The following HFM1 variants were observed in gnomAD, a reference collection of about 807,000 sequenced individuals.
HFM1 encodes probable ATP-dependent DNA helicase HFM1.
Under a neutral mutation model 192.1 loss-of-function variants are expected in HFM1, and 169 were observed. The observed-to-expected ratio is 0.88, with a 90% CI of 0.78 to 1.00. The LOEUF (loss-of-function observed/expected upper bound fraction) is 1.00, where lower values mean the gene tolerates loss of function less well. HFM1 is among the 50% of genes least tolerant of loss of function. The probability of loss-of-function intolerance (pLI) is 0.00; values close to 1 mark genes in which losing one functional copy is unlikely to be tolerated. For synonymous variants in HFM1, 525 were observed against 537.8 expected, an observed-to-expected ratio of 0.98 and a Z score of 0.33; for missense variants, 1,661 against 1,668.0, an observed-to-expected ratio of 1.00 and a Z score of 0.07.
At chr1:91,280,956 C>T (rs917263012) in intron 30 of HFM1, among the ~76,000 whole-genome samples, 1 of 152,148 alleles carries the variant, frequency 6.6e-6, no homozygotes, top group Non-Finnish European at 1.5e-5. Context: ...ACTGGTTGAC[C>T]ATGTGACCAT....
chr1:91,407,478 A>G (rs1018243315), upstream of HFM1, among the ~76,000 whole-genome samples: 1 of 152,160 alleles, frequency 6.6e-6, no homozygotes, highest in Non-Finnish European at 1.5e-5. Flanking sequence ...AGTACTTCAT[A>G]TAAGTGGGAT....
At chr1:91,270,108 G>A (rs1666140444) in intron 34 of HFM1, among the ~76,000 whole-genome samples, 1 of 152,100 alleles carries the variant, frequency 6.6e-6, no homozygotes, top group African/African-American at 2.4e-5. Flanking sequence ...ATGGATTGAA[G>A]GATAATGAGA....
Position 91,378,196 on chromosome 1 carries a change from T to A in HFM1, c.1237-13A>T, listed in dbSNP as rs1271748830. On this transcript the variant is annotated splice_polypyrimidine_tract_variant and intron_variant, in intron 10 of 38. Transcript: ENST00000370425. ...TTACAATATGTACCTAAGCAGGAAATCAAGAAAAAATCATTAGCTATAGAA... is the reference window on the plus strand; with the variant it reads ...TTACAATATGTACCTAAGCAGGAAAACAAGAAAAAATCATTAGCTATAGAA... 1 of 1,556,950 alleles carries A rather than the reference T, an allele frequency of 6.4e-7. No individual in the cohort carries two copies. Among genetic ancestry groups the A allele is most frequent in the Admixed American group, 2.0e-5 (1 of 48,922 alleles).
intron 13 of HFM1, among the ~76,000 whole-genome samples, chr1:91,373,937 T>C (rs1222689193): frequency 6.6e-6 from 1 of 152,040 alleles, no homozygotes; most frequent in Non-Finnish European, 1.5e-5. Flanking sequence ...GATAATCTAA[T>C]TAATAGAAAA....
At chr1:91,266,654 G>C (rs1665795084) in intron 35 of HFM1, among the ~76,000 whole-genome samples, 1 of 152,190 alleles carries the variant, frequency 6.6e-6, no homozygotes, top group East Asian at 1.9e-4. Flanking sequence ...TCTATACATG[G>C]GGGAAAATGG....
chr1:91,279,926 A>C (rs1338213361), intron 30 of HFM1, among the ~76,000 whole-genome samples: 1 of 152,164 alleles, frequency 6.6e-6, no homozygotes, highest in African/African-American at 2.4e-5. Flanking sequence ...AAAAAAAATG[A>C]GCTCTAATAT....
At chr1:91,312,500 T>C (rs1157933193) in intron 30 of HFM1, among the ~76,000 whole-genome samples, 2 of 152,208 alleles carry the variant, frequency 1.3e-5, no homozygotes, top group Admixed American at 6.5e-5. Context: ...GCATGGGGCC[T>C]GTAAGCCCTT....
intron 13 of HFM1, among the ~76,000 whole-genome samples, chr1:91,370,293 A>G (rs970757164): frequency 1.3e-5 from 2 of 152,186 alleles, no homozygotes; most frequent in Admixed American, 6.5e-5. Context: ...ACAAAAAAAG[A>G]GAATTTTAGA....
rs1361742202 is a variant in HFM1 at position 91,302,810 on chromosome 1, C to T, written c.3391+10539G>A. ...GGTGGGGGGGAGGGGGAAGGGATAGCATTAGGAGATATACCTAATGTTAAA... is the reference window on the plus strand; with the variant it reads ...GGTGGGGGGGAGGGGGAAGGGATAGTATTAGGAGATATACCTAATGTTAAA... On this transcript the variant is annotated intron_variant, in intron 30 of 38. Transcript: ENST00000370425. Among the ~76,000 whole-genome samples the T allele has an allele frequency of 2.0e-5, 3 of 151,572 alleles. No homozygotes were observed. In the East Asian group the frequency reaches 5.8e-4, roughly 29 times the overall value.
intron 26 of HFM1, 89 bp from the exon 27 acceptor site, chr1:91,316,273 C>G (rs1006059913): frequency 1.0e-6 from 1 of 1,003,338 alleles, no homozygotes; most frequent in African/African-American, 1.6e-5. Flanking sequence ...TTTAATAATG[C>G]TTATCACCCA....
At chr1:91,398,093 G>C (rs1289299829) in intron 2 of HFM1, among the ~76,000 whole-genome samples, 1 of 152,172 alleles carries the variant, frequency 6.6e-6, no homozygotes, top group African/African-American at 2.4e-5. Flanking sequence ...TAAGTTCTCA[G>C]ACTCTAGCCA....
chr1:91,284,669 T>A (rs1035037988), intron 30 of HFM1, among the ~76,000 whole-genome samples: 1 of 152,192 alleles, frequency 6.6e-6, no homozygotes, highest in African/African-American at 2.4e-5. Context: ...ATTTAAAGGA[T>A]AAGAAGTTTA....
chr1:91,303,780 CAT>C (rs1649194737), intron 30 of HFM1, among the ~76,000 whole-genome samples: 1 of 152,210 alleles, frequency 6.6e-6, no homozygotes, highest in South Asian at 2.1e-4. Context: ...AGCATCTTTT[CAT>C]ATGTGTGTTG....
chr1:91,313,984 T>A lies in HFM1; in HGVS notation c.3217A>T (p.Ser1073Cys). The change falls in exon 29 of 39, where the codon AGC becomes TGC. Residue 1073 changes from serine to cysteine, a missense_variant. Transcript: ENST00000370425. ...AATTCAGAACTTATTAGATTTATGC[T>A]AAGATCTTCAGATTTAAGAGCTCTT... Reference protein sequence around the residue: ...VKRALKSEDLSINLISSEFVG... With the variant: ...VKRALKSEDLCINLISSEFVG... 6.2e-7 allele frequency: 1 copy of A among 1,604,588 alleles called. No individual in the cohort carries two copies. The highest frequency in any genetic ancestry group is 2.2e-5 in the East Asian group (1 of 44,646).
chr1:91,352,443 A>C, intron 16 of HFM1, 63 bp downstream of exon 16: 6 of 1,289,802 alleles, frequency 4.7e-6, no homozygotes, highest in Non-Finnish European at 6.4e-6. Context: ...TAATCAAAAA[A>C]TACACAATTT....
intron 13 of HFM1, among the ~76,000 whole-genome samples, chr1:91,364,633 T>TTA (rs1659023997): frequency 4.0e-5 from 1 of 25,252 alleles, no homozygotes; most frequent in Non-Finnish European, 8.8e-5. Flanking sequence ...TATATATATA[T>TTA]TTTTTTTTTT....
chr1:91,371,434 G>T (rs1043439537), intron 13 of HFM1, among the ~76,000 whole-genome samples: 19 of 115,784 alleles, frequency 1.6e-4, no homozygotes, highest in Non-Finnish European at 3.0e-4. Flanking sequence ...CAGAAATAAT[G>T]CCACATATCT....
chr1:91,296,461 A>G (rs915288536), intron 30 of HFM1, among the ~76,000 whole-genome samples: 2 of 152,052 alleles, frequency 1.3e-5, no homozygotes, highest in Non-Finnish European at 2.9e-5. Flanking sequence ...TAGGTTGCCC[A>G]ATATGTTTTT....
At chr1:91,406,031 C>T (rs1032698579), upstream of HFM1, among the ~76,000 whole-genome samples, 5 of 152,130 alleles carry the variant, frequency 3.3e-5, no homozygotes, top group African/African-American at 7.2e-5. Context: ...GATATTTGAA[C>T]GTGGGACTTT....
Sources: gnomAD v4.1 joint callset for allele counts (sites outside exome capture counted in the v4.1 genomes callset) on GRCh38, gnomAD v4.1.1 for gene constraint, MANE v1.5 for transcripts, NCBI Gene and HGNC (gene_info 2026-07-23, HGNC 2026-07-21) for gene names.